GRID2: variants seen among roughly 807,000 people sequenced by gnomAD.
GRID2 encodes glutamate receptor ionotropic, delta-2.
GRID2 carries 33 observed loss-of-function variants against 114.8 expected under a neutral mutation model. That is an observed-to-expected ratio of 0.29 (90% confidence interval 0.22 to 0.38). The LOEUF (loss-of-function observed/expected upper bound fraction) is 0.38. GRID2 is among the 10% of genes least tolerant of loss of function. GRID2 has a pLI of 1.00. For synonymous variants in GRID2, 505 were observed against 449.9 expected, an observed-to-expected ratio of 1.12 and a Z score of -1.55; for missense variants, 1,184 against 1,257.7, an observed-to-expected ratio of 0.94 and a Z score of 0.89.
intron 2 of GRID2, among the ~76,000 whole-genome samples, chr4:93,063,731 A>C (rs1728010249): frequency 6.6e-6 from 1 of 151,854 alleles, no homozygotes; most frequent in Non-Finnish European, 1.5e-5. Flanking sequence ...CATCTTTCAA[A>C]AATTTTAATG....
rs1721852435 is a variant in GRID2 at position 93,643,947 on chromosome 4, G to A, written c.2360+17512G>A. On this transcript the variant is annotated intron_variant, in intron 14 of 15. Transcript: ENST00000282020. ...CCTTGCAGTTTGATCTCAGACTGCT[G>A]TGCTAGCAATCCGCGAGATTCCGTG... 1.9e-5 allele frequency among the ~76,000 whole-genome samples: 2 copies of A among 103,780 alleles called. 1 individual carries two copies. Among genetic ancestry groups the A allele is most frequent in the South Asian group, 6.1e-4 (2 of 3,276 alleles). The allele number at this position is 103,780 out of a possible 152,430, so 68.1% of individuals were successfully genotyped here.
At chr4:93,751,083 C>T (rs1732281654) in intron 14 of GRID2, among the ~76,000 whole-genome samples, 1 of 152,156 alleles carries the variant, frequency 6.6e-6, no homozygotes, top group Non-Finnish European at 1.5e-5. Context: ...GGTCATTCTT[C>T]TTAAATTCCC....
At chr4:92,307,429 AGATGAAAAGACACT>A (rs887100053) in intron 1 of GRID2, among the ~76,000 whole-genome samples, 1 of 152,148 alleles carries the variant, frequency 6.6e-6, no homozygotes, top group Non-Finnish European at 1.5e-5. Context: ...CAAACTGGAA[AGATGAAAAGACACT>A]GCTCTAAGAG....
At chr4:93,506,815 G>A (rs1402310228) in intron 12 of GRID2, among the ~76,000 whole-genome samples, 1 of 152,044 alleles carries the variant, frequency 6.6e-6, no homozygotes, top group African/African-American at 2.4e-5. Flanking sequence ...TACCGTGCTG[G>A]CCTCAGACCT....
chr4:93,250,654 A>T (rs201078969), intron 8 of GRID2, among the ~76,000 whole-genome samples: 10 of 128,770 alleles, frequency 7.8e-5, no homozygotes, highest in East Asian at 2.1e-4. Context: ...ATATATATAT[A>T]TTTTATATAT....
At chr4:93,070,280 A>G (rs1342518051) in intron 2 of GRID2, among the ~76,000 whole-genome samples, 2 of 152,118 alleles carry the variant, frequency 1.3e-5, no homozygotes, top group South Asian at 2.1e-4. Flanking sequence ...TAACCATTAA[A>G]TAGTGTTTCT....
At chr4:93,145,033 G>C (rs1560924731) in intron 4 of GRID2, among the ~76,000 whole-genome samples, 1 of 151,990 alleles carries the variant, frequency 6.6e-6, no homozygotes, top group Non-Finnish European at 1.5e-5. Context: ...CTCACATATG[G>C]ACATTACAAT....
intron 1 of GRID2, among the ~76,000 whole-genome samples, chr4:93,804,950 T>A (rs1486753800): frequency 6.6e-6 from 1 of 152,218 alleles, no homozygotes; most frequent in African/African-American, 2.4e-5. Context: ...TGTAATATGG[T>A]AGATGTATCT....
intron 14 of GRID2, among the ~76,000 whole-genome samples, chr4:93,763,889 T>C (rs563793233): frequency 3.8e-4 from 58 of 152,302 alleles, no homozygotes; most frequent in African/African-American, 1.4e-3. Context: ...CCAGTAACTT[T>C]TTTAGTTTGG....
intron 14 of GRID2, among the ~76,000 whole-genome samples, chr4:93,753,374 A>T (rs984841033): frequency 6.6e-6 from 1 of 152,108 alleles, no homozygotes; most frequent in Admixed American, 6.6e-5. Flanking sequence ...TTTAAGTTCT[A>T]GGGCACATGT....
chr4:93,245,021 A>G (rs1171896244), intron 8 of GRID2, among the ~76,000 whole-genome samples: 1 of 152,132 alleles, frequency 6.6e-6, no homozygotes, highest in African/African-American at 2.4e-5. Context: ...GAAGGTTTAT[A>G]TAATAGAGAG....
intron 14 of GRID2, among the ~76,000 whole-genome samples, chr4:93,712,641 C>T (rs551345563): frequency 9.2e-5 from 14 of 152,214 alleles, no homozygotes; most frequent in Admixed American, 1.3e-4. Context: ...TTGGTCCTGA[C>T]GTGGTACGTA....
At chr4:93,633,219 A>G (rs1721093684) in intron 14 of GRID2, among the ~76,000 whole-genome samples, 1 of 151,842 alleles carries the variant, frequency 6.6e-6, no homozygotes, top group South Asian at 2.1e-4. Flanking sequence ...TTTTTCCTAT[A>G]AACTATTAGA....
chr4:93,627,408 A>T (rs896565931), intron 14 of GRID2, among the ~76,000 whole-genome samples: 2 of 152,158 alleles, frequency 1.3e-5, no homozygotes, highest in Non-Finnish European at 2.9e-5. Flanking sequence ...GTAGTTCACA[A>T]TTTGTGTCAT....
intron 11 of GRID2, among the ~76,000 whole-genome samples, chr4:93,458,165 C>A (rs987750407): frequency 1.3e-5 from 2 of 152,126 alleles, no homozygotes; most frequent in Non-Finnish European, 2.9e-5. Context: ...TATAAATGCA[C>A]AAGTGAAAAT....
At chr4:93,497,533 T>G in intron 12 of GRID2, among the ~76,000 whole-genome samples, 1 of 151,896 alleles carries the variant, frequency 6.6e-6, no homozygotes, top group Non-Finnish European at 1.5e-5. Flanking sequence ...GAGTTAATTT[T>G]GTATAAAGTG....
chr4:93,216,084 TC>T (rs1386041676), intron 5 of GRID2, among the ~76,000 whole-genome samples: 1 of 152,098 alleles, frequency 6.6e-6, no homozygotes, highest in African/African-American at 2.4e-5. Context: ...GCACTGGGTT[TC>T]TCTCTCATCT....
At chr4:92,590,077 G>C (rs1728635050) in intron 1 of GRID2, 54 bp from the exon 2 acceptor site, 2 of 1,182,370 alleles carry the variant, frequency 1.7e-6, no homozygotes, top group African/African-American at 3.0e-5. Context: ...ATTTCCAGAG[G>C]GGATGACAGA....
At chr4:93,587,730 T>G (rs949252686) in intron 13 of GRID2, among the ~76,000 whole-genome samples, 2 of 152,166 alleles carry the variant, frequency 1.3e-5, no homozygotes, top group African/African-American at 4.8e-5. Flanking sequence ...TAAAGAAAAT[T>G]TATTATATTA....
Sources: gnomAD v4.1 joint callset for allele counts (sites outside exome capture counted in the v4.1 genomes callset) on GRCh38, gnomAD v4.1.1 for gene constraint, MANE v1.5 for transcripts, NCBI Gene and HGNC (gene_info 2026-07-23, HGNC 2026-07-21) for gene names.